The following WWOX variants were observed in gnomAD, a reference collection of about 807,000 sequenced individuals.
WWOX encodes the protein WW domain-containing oxidoreductase.
In WWOX, 69 loss-of-function variants were observed where a neutral mutation model predicts 46.2. The ratio of observed to expected loss-of-function variants is 1.49; its 90% confidence interval spans 1.23 to 1.82. The LOEUF is 1.82. WWOX is among the 40% of genes most tolerant of loss of function. The pLI is 0.00. For missense variants in WWOX, 919 were observed against 542.6 expected (o/e 1.69, Z -6.89); for synonymous variants, 359 against 202.6 (o/e 1.77, Z -6.56).
intron 8 of WWOX, among the ~76,000 whole-genome samples, chr16:79,164,197 G>A (rs775521260): frequency 3.3e-5 from 5 of 152,218 alleles, no homozygotes; most frequent in East Asian, 1.9e-4. Context: ...TCTGTTTGAC[G>A]TGTTTGGGAG....
At chr16:78,379,116 T>C (rs183814224) in intron 5 of WWOX, among the ~76,000 whole-genome samples, 1 of 152,352 alleles carries the variant, frequency 6.6e-6, no homozygotes, top group African/African-American at 2.4e-5. Flanking sequence ...CTTCAGAAGA[T>C]ATTTGCTATC....
chr16:78,410,061 C>A (rs116605131), intron 6 of WWOX, among the ~76,000 whole-genome samples: 5 of 152,182 alleles, frequency 3.3e-5, no homozygotes, highest in Non-Finnish European at 7.3e-5. Flanking sequence ...GCATGACTTA[C>A]GGCCATCCCT....
intron 8 of WWOX, among the ~76,000 whole-genome samples, chr16:78,931,198 C>T (rs564390449): frequency 2.6e-5 from 4 of 152,280 alleles, no homozygotes; most frequent in African/African-American, 9.6e-5. Context: ...TTACCACACT[C>T]AGGAATAGTG....
chr16:78,643,237 A>G (rs185885886), intron 8 of WWOX, among the ~76,000 whole-genome samples: 2 of 152,344 alleles, frequency 1.3e-5, no homozygotes, highest in Admixed American at 6.5e-5. Flanking sequence ...GTATGCCTAG[A>G]AAACATGAAT....
chr16:79,094,457 G>T (rs1009891928), intron 8 of WWOX, among the ~76,000 whole-genome samples: 5 of 151,924 alleles, frequency 3.3e-5, no homozygotes, highest in African/African-American at 1.2e-4. Flanking sequence ...TCACCATGTT[G>T]GCCAAACTGG....
At chr16:78,749,232 A>G (rs956587066) in intron 8 of WWOX, among the ~76,000 whole-genome samples, 1 of 152,174 alleles carries the variant, frequency 6.6e-6, no homozygotes, top group Non-Finnish European at 1.5e-5. Flanking sequence ...TTAACCACCT[A>G]CATCATAGGT....
At chr16:78,569,786 T>A (rs961103327) in intron 8 of WWOX, among the ~76,000 whole-genome samples, 1 of 152,238 alleles carries the variant, frequency 6.6e-6, no homozygotes, top group Non-Finnish European at 1.5e-5. Context: ...CCTCTTCTTA[T>A]TGACCAAAGA....
chr16:78,170,555 A>G (rs1461148929), intron 5 of WWOX, among the ~76,000 whole-genome samples: 1 of 152,222 alleles, frequency 6.6e-6, no homozygotes, highest in African/African-American at 2.4e-5. Flanking sequence ...GCCTGATTTC[A>G]GTGGAGTTGC....
intron 8 of WWOX, among the ~76,000 whole-genome samples, chr16:79,171,982 G>T (rs2050708495): frequency 6.6e-6 from 1 of 152,166 alleles, no homozygotes; most frequent in African/African-American, 2.4e-5. Flanking sequence ...TTGGCAGTTT[G>T]CCATGAGTCA....
rs184154334 is a variant in WWOX at position 79,210,116 on chromosome 16, C to G, written c.1057-1492C>G. 1.2e-4 allele frequency among the ~76,000 whole-genome samples: 19 copies of G among 152,298 alleles called. 1 individual carries two copies. The highest frequency in any genetic ancestry group is 3.4e-3 in the Middle Eastern group (1 of 294). ...AGCCAGTTATTATCAAAACCCAAGT[C>G]TTTGTCTCACTCACGGTCCACACCC... On this transcript the variant is annotated intron_variant, in intron 8 of 8. Coordinates refer to ENST00000566780, the MANE Select transcript of WWOX (RefSeq NM_016373.4).
intron 8 of WWOX, among the ~76,000 whole-genome samples, chr16:78,985,796 A>G (rs1271480322): frequency 6.6e-6 from 1 of 152,208 alleles, no homozygotes; most frequent in Non-Finnish European, 1.5e-5. Context: ...AGGCACAGAC[A>G]ATTTACCTGG....
intron 8 of WWOX, among the ~76,000 whole-genome samples, chr16:78,886,634 A>AAAAACAT (rs1232549054): frequency 2.0e-5 from 2 of 99,852 alleles, no homozygotes; most frequent in Non-Finnish European, 4.0e-5. Context: ...TATTACAAAG[A>AAAAACAT]AAAACATATA....
At chr16:78,801,712 G>A (rs996129321) in intron 8 of WWOX, among the ~76,000 whole-genome samples, 69 of 152,198 alleles carry the variant, frequency 4.5e-4, no homozygotes, top group African/African-American at 1.5e-3. Context: ...TTCCGAGCAG[G>A]TGCACCCCCA....
chr16:78,986,125 A>T (rs1211505101), intron 8 of WWOX, among the ~76,000 whole-genome samples: 2 of 152,254 alleles, frequency 1.3e-5, no homozygotes, highest in Admixed American at 6.5e-5. Context: ...TTATGGAGTC[A>T]GGAGCACACA....
intron 1 of WWOX, 81 bp downstream of exon 1, chr16:78,099,966 C>G: frequency 6.6e-7 from 1 of 1,520,474 alleles, no homozygotes; most frequent in East Asian, 2.6e-5. Flanking sequence ...GGAGGACGCG[C>G]ACTCCAGCGC....
At chr16:79,048,309 A>C (rs549835023) in intron 8 of WWOX, among the ~76,000 whole-genome samples, 2 of 152,152 alleles carry the variant, frequency 1.3e-5, no homozygotes, top group Non-Finnish European at 2.9e-5. Flanking sequence ...ATGGAAGCCC[A>C]GGGGCCCCAG....
intron 8 of WWOX, among the ~76,000 whole-genome samples, chr16:78,805,417 C>G (rs927823480): frequency 7.8e-6 from 1 of 128,906 alleles, no homozygotes; most frequent in Non-Finnish European, 1.7e-5. Context: ...CCCGCCACCT[C>G]GCCTGGCTAA....
chr16:79,132,330 G>C (rs1435451845), intron 8 of WWOX, among the ~76,000 whole-genome samples: 1 of 152,212 alleles, frequency 6.6e-6, no homozygotes, highest in African/African-American at 2.4e-5. Context: ...GATTTTGTTA[G>C]GTCCCAGTAT....
At chr16:78,910,108 G>A (rs2045069662) in intron 8 of WWOX, among the ~76,000 whole-genome samples, 1 of 151,408 alleles carries the variant, frequency 6.6e-6, no homozygotes, top group Non-Finnish European at 1.5e-5. Context: ...GTGATCGTTT[G>A]TGCTTTGTTA....
Sources: allele counts gnomAD v4.1 joint callset (sites outside exome capture counted in the v4.1 genomes callset), GRCh38; gene constraint gnomAD v4.1.1; transcripts MANE v1.5; gene names NCBI Gene and HGNC (gene_info 2026-07-23, HGNC 2026-07-21).